Variants in RYR2 observed in about 807,000 individuals in gnomAD.
The protein encoded by RYR2 is cardiac muscle ryanodine receptor-calcium release channel.
In RYR2, 227 loss-of-function variants were observed where a neutral mutation model predicts 601.1. The observed-to-expected ratio is 0.38, with a 90% CI of 0.34 to 0.42. RYR2 has a LOEUF of 0.42. Ranked by LOEUF, RYR2 falls within the 10% of genes least tolerant of loss-of-function variation. The pLI is 1.00. For synonymous variants in RYR2, 2,223 were observed against 2,175.1 expected, an observed-to-expected ratio of 1.02 and a Z score of -0.61; for missense variants, 4,646 against 6,156.5, an observed-to-expected ratio of 0.75 and a Z score of 8.21.
In RYR2 at chr1:237,312,660, C is replaced by T. The variant is rs546500415; in HGVS notation, c.169-18218C>T. 6.5e-4 allele frequency among the ~76,000 whole-genome samples: 99 copies of T among 152,202 alleles called. No individual in the cohort carries two copies. The Middle Eastern group carries it at 0.01, about 16-fold the overall frequency. The stretch of plus-strand genomic sequence containing the variant: ...AACACATCATGTATAAAATCTGTGA[C>T]ATAGGGAGACTATAAACTTAAAAGC... On this transcript the variant is annotated intron_variant, in intron 2 of 104. Coordinates refer to ENST00000366574, the MANE Select transcript of RYR2 (RefSeq NM_001035.3).
intron 18 of RYR2, 129 bp from the exon 19 acceptor site, chr1:237,492,825 A>AGGAAGGC: frequency 2.5e-6 from 1 of 405,482 alleles, no homozygotes; most frequent in Non-Finnish European, 3.9e-6. Context: ...TGCTGTCTGA[A>AGGAAGGC]AGGAAGGAAG....
intron 1 of RYR2, among the ~76,000 whole-genome samples, chr1:237,081,253 A>G (rs1665588312): frequency 7.7e-6 from 1 of 129,244 alleles, no homozygotes; most frequent in African/African-American, 2.9e-5. Context: ...CACAATGTGC[A>G]CATGTACCCT....
rs754771504 is a variant in RYR2, at chr1:237,712,531, T to TCACA, written c.10323+704_10323+707dup. On this transcript the variant is annotated intron_variant, in intron 71 of 104. Coordinates refer to ENST00000366574, the MANE Select transcript of RYR2 (RefSeq NM_001035.3). ...CAGAGCAACAGAATAAAGACATGCT[T>TCACA]CACACACACACACTCACACACACAC... Among the ~76,000 whole-genome samples, 184 of 151,604 alleles carry TCACA rather than the reference T, an allele frequency of 1.2e-3. 1 individual carries two copies. Among genetic ancestry groups the TCACA allele is most frequent in the Non-Finnish European group, 2.1e-3 (140 of 67,866 alleles).
At chr1:237,205,797 ACTCTT>A (rs1681747098) in intron 1 of RYR2, among the ~76,000 whole-genome samples, 2 of 152,094 alleles carry the variant, frequency 1.3e-5, no homozygotes, top group South Asian at 4.1e-4. Flanking sequence ...TGAGGCCCCC[ACTCTT>A]CCTGCACTGG....
intron 12 of RYR2, among the ~76,000 whole-genome samples, chr1:237,433,969 C>G (rs1351422680): frequency 6.6e-6 from 1 of 152,106 alleles, no homozygotes; most frequent in Non-Finnish European, 1.5e-5. Flanking sequence ...TGTTGCAAAT[C>G]AAGATTTATT....
intron 48 of RYR2, among the ~76,000 whole-genome samples, chr1:237,643,740 G>A (rs1396350661): frequency 2.0e-5 from 3 of 151,924 alleles, no homozygotes; most frequent in East Asian, 3.9e-4. Flanking sequence ...AGCCTCCCAA[G>A]TAGCTGGGAC....
At chr1:237,800,431 G>C (rs1446801518) in intron 97 of RYR2, among the ~76,000 whole-genome samples, 1 of 151,856 alleles carries the variant, frequency 6.6e-6, no homozygotes, top group Non-Finnish European at 1.5e-5. Context: ...AAAAAAAATT[G>C]TTTTTAATCC....
intron 1 of RYR2, among the ~76,000 whole-genome samples, chr1:237,185,921 G>A (rs375727677): frequency 1.3e-5 from 2 of 152,212 alleles, no homozygotes; most frequent in Admixed American, 6.5e-5. Context: ...TCTTCACTGA[G>A]TATAGCACCT....
intron 1 of RYR2, among the ~76,000 whole-genome samples, chr1:237,088,316 A>C (rs2385577): frequency 6.6e-6 from 1 of 152,312 alleles, no homozygotes; most frequent in South Asian, 2.1e-4. Flanking sequence ...ACCACCACTC[A>C]TGAATCTCAG....
intron 1 of RYR2, among the ~76,000 whole-genome samples, chr1:237,244,669 C>T (rs1431275309): frequency 6.6e-6 from 1 of 152,162 alleles, no homozygotes; most frequent in Non-Finnish European, 1.5e-5. Flanking sequence ...CCGTCTCTAT[C>T]ACTAGAGAGG....
intron 1 of RYR2, among the ~76,000 whole-genome samples, chr1:237,148,747 A>T (rs1340523485): frequency 6.6e-6 from 1 of 151,712 alleles, no homozygotes; most frequent in Admixed American, 6.6e-5. Context: ...CTGAGCTTCC[A>T]TTTTTCTCTC....
chr1:237,548,823 G>A (rs192347259), intron 26 of RYR2, among the ~76,000 whole-genome samples: 8 of 152,266 alleles, frequency 5.3e-5, no homozygotes, highest in Non-Finnish European at 4.4e-5. Context: ...CTACACTGGT[G>A]ACTTATAATA....
At chr1:237,653,870 G>A (rs530817523) in intron 51 of RYR2, among the ~76,000 whole-genome samples, 1 of 152,292 alleles carries the variant, frequency 6.6e-6, no homozygotes, top group African/African-American at 2.4e-5. Context: ...CACCCAGCAC[G>A]GGACAAAGAT....
At chr1:237,586,223 A>G (rs1228263883) in intron 29 of RYR2, among the ~76,000 whole-genome samples, 2 of 152,198 alleles carry the variant, frequency 1.3e-5, no homozygotes, top group Admixed American at 1.3e-4. Context: ...TTTATTTGCC[A>G]TATTAATTTT....
Position 237,804,810 on chromosome 1 carries a change from A to G in RYR2, c.14152-1327A>G, listed in dbSNP as rs550401727. 1.3e-4 allele frequency among the ~76,000 whole-genome samples: 20 copies of G among 152,352 alleles called. No individual in the cohort carries two copies. The South Asian group carries it at 2.7e-3, about 21-fold the overall frequency. ...ATTTCATAACTAGTAGGTCTCAGCA[A>G]ACACTGATTTAGTCAGTGAATAAAT... is the stretch of plus-strand genomic sequence containing the variant. On this transcript the variant is annotated intron_variant, in intron 98 of 104. Transcript: ENST00000366574.
intron 2 of RYR2, among the ~76,000 whole-genome samples, chr1:237,326,933 A>G (rs1454680358): frequency 6.6e-6 from 1 of 152,188 alleles, no homozygotes; most frequent in African/African-American, 2.4e-5. Flanking sequence ...GGAAGTGGGA[A>G]CAAAGGCCTG....
At chr1:237,099,566 C>A (rs12131303) in intron 1 of RYR2, among the ~76,000 whole-genome samples, 53,749 of 152,034 alleles carry the variant, frequency 0.35, 10,980 homozygotes, top group Middle Eastern at 0.45. Context: ...CAGCTCTTTG[C>A]CATTGGTTGC....
At chr1:237,569,590 G>A (rs180748959) in intron 29 of RYR2, among the ~76,000 whole-genome samples, 238 of 152,200 alleles carry the variant, frequency 1.6e-3, no homozygotes, top group African/African-American at 5.4e-3. Flanking sequence ...TAAAAGAATA[G>A]GTTTCCATCA....
chr1:237,813,863 T>C (rs1661507251), intron 100 of RYR2, among the ~76,000 whole-genome samples: 1 of 152,230 alleles, frequency 6.6e-6, no homozygotes, highest in African/African-American at 2.4e-5. Context: ...ATCTTGTCTT[T>C]GACTGGGTTG....
Sources: allele counts gnomAD v4.1 joint callset (sites outside exome capture counted in the v4.1 genomes callset), GRCh38; gene constraint gnomAD v4.1.1; transcripts MANE v1.5; gene names NCBI Gene and HGNC (gene_info 2026-07-23, HGNC 2026-07-21).